Variants in COL4A5 observed in about 807,000 individuals in gnomAD.
The protein encoded by COL4A5 is collagen alpha-5(IV) chain.
In COL4A5, 26 loss-of-function variants were observed where a neutral mutation model predicts 130.2. That is an observed-to-expected ratio of 0.20 (90% CI 0.15 to 0.28). The LOEUF (loss-of-function observed/expected upper bound fraction) is 0.28. Among genes scored for constraint, COL4A5 ranks in the 10% least tolerant of loss-of-function variants. The pLI is 1.00. For synonymous variants in COL4A5, 496 were observed against 439.6 expected, an observed-to-expected ratio of 1.13 and a Z score of -1.60; for missense variants, 1,131 against 1,344.3, an observed-to-expected ratio of 0.84 and a Z score of 2.48.
intron 37 of COL4A5, among the ~76,000 whole-genome samples, chrX:108,662,325 C>T (rs932700847): frequency 9.0e-6 from 1 of 110,728 alleles, no homozygotes; most frequent in African/African-American, 3.3e-5. Context: ...TTTAGTGTTT[C>T]TTATAGTGAA....
intron 44 of COL4A5, 73 bp from the exon 45 acceptor site, chrX:108,680,606 A>C: frequency 3.6e-6 from 3 of 837,893 alleles, no homozygotes; most frequent in African/African-American, 2.0e-5. Context: ...CCACTATGTA[A>C]TTCTTATGCC....
rs1157039079 is a variant in COL4A5 at position 108,606,409 on chromosome X, T to A, written c.2245-333T>A. On this transcript the variant is annotated intron_variant, in intron 28 of 52. Coordinates refer to ENST00000328300, the MANE Select transcript of COL4A5 (RefSeq NM_033380.3). ...ATGTTGTTATCATACTTAGTAAAAT[T>A]AAAAATAATTGTTTAGTATTATCTA... Among the ~76,000 whole-genome samples, 3 of 111,564 alleles carry A rather than the reference T, an allele frequency of 2.7e-5. No individual in the cohort carries two copies. The East Asian group carries it at 8.4e-4, about 31-fold the overall frequency.
chrX:108,684,506 A>G (rs963380362), intron 47 of COL4A5, among the ~76,000 whole-genome samples: 9 of 112,495 alleles, frequency 8.0e-5, no homozygotes, highest in Admixed American at 2.8e-4. Flanking sequence ...AATCTAGAAG[A>G]AATGGATAAA....
chrX:108,670,223 T>C lies in COL4A5; in HGVS notation c.3791-5T>C, dbSNP rs755335739. Reference sequence around the variant, plus strand: ...GGGCCTTGGTGAACTTTGATCCCTATCCAGGTCCTACAGGTTAGCTCCTTA... The same window carrying C: ...GGGCCTTGGTGAACTTTGATCCCTACCCAGGTCCTACAGGTTAGCTCCTTA... On this transcript the variant is annotated splice_region_variant and splice_polypyrimidine_tract_variant and intron_variant, in intron 41 of 52. Transcript: ENST00000328300. 2.5e-6 allele frequency: 3 copies of C among 1,210,983 alleles called. No homozygotes were observed. Among genetic ancestry groups the C allele is most frequent in the South Asian group, 3.5e-5 (2 of 56,902 alleles).
chrX:108,668,143 C>A (rs750143564), intron 40 of COL4A5, among the ~76,000 whole-genome samples, 176 bp from the exon 41 acceptor site: 1 of 111,755 alleles, frequency 8.9e-6, no homozygotes, highest in African/African-American at 3.3e-5. Flanking sequence ...CTTCTGCTAA[C>A]AAATGCATAT....
intron 13 of COL4A5, 81 bp from the exon 14 acceptor site, chrX:108,580,452 C>T (rs903530296): frequency 4.0e-5 from 33 of 822,918 alleles, no homozygotes; most frequent in Admixed American, 1.1e-4. Flanking sequence ...ATTAAAAATG[C>T]TCCTAGCTAG....
chrX:108,508,286 A>G (rs889239084), intron 1 of COL4A5, among the ~76,000 whole-genome samples: 17 of 110,787 alleles, frequency 1.5e-4, no homozygotes, highest in African/African-American at 3.3e-5. Flanking sequence ...TCTCATTCAC[A>G]ATTGCCACAA....
chrX:108,641,577 T>A (rs1021185016), intron 36 of COL4A5, among the ~76,000 whole-genome samples: 1 of 111,790 alleles, frequency 8.9e-6, no homozygotes, highest in African/African-American at 3.3e-5. Context: ...GCCCCAAATA[T>A]AGAAGTGGAA....
intron 28 of COL4A5, among the ~76,000 whole-genome samples, chrX:108,605,788 G>A (rs1002964596): frequency 6.2e-4 from 69 of 112,076 alleles, no homozygotes; most frequent in African/African-American, 2.1e-3. Flanking sequence ...GTGATGATTG[G>A]TTGAAATGGT....
At chrX:108,519,369 T>A (rs1406811230) in intron 1 of COL4A5, among the ~76,000 whole-genome samples, 1 of 111,501 alleles carries the variant, frequency 9.0e-6, no homozygotes, top group Non-Finnish European at 1.9e-5. Context: ...TTACATACAA[T>A]TTAAAAAGTA....
intron 21 of COL4A5, 25 bp from the exon 22 acceptor site, chrX:108,595,484 T>G (rs765847505): frequency 3.4e-6 from 4 of 1,192,445 alleles, no homozygotes; most frequent in South Asian, 1.8e-5. Context: ...TCAGTAAAAT[T>G]TGTTTGTTAT....
At chrX:108,544,855 G>A (rs2065618892) in intron 2 of COL4A5, among the ~76,000 whole-genome samples, 1 of 111,614 alleles carries the variant, frequency 9.0e-6, no homozygotes, top group Non-Finnish European at 1.9e-5. Flanking sequence ...TATGTGTTGA[G>A]GAGTTTATCC....
rs1213499371 is a variant in COL4A5, at chrX:108,665,562, C to A, written c.3429C>A (p.Gly1143=). Residue 1143 remains glycine (G), a synonymous_variant, in exon 38 of 53, where the codon GGC becomes GGA. Transcript: ENST00000328300. ...KGISGPPGNP[G]LPGEPGPVGG... ...TTAGTGGCCCTCCTGGGAACCCCGG[C>A]CTTCCAGGAGAACCTGGTCCTGTAG... The A allele has an allele frequency of 8.3e-7, 1 of 1,203,902 alleles. No individual in the cohort carries two copies. Among genetic ancestry groups the A allele is most frequent in the Non-Finnish European group, 1.1e-6 (1 of 890,144 alleles).
intron 2 of COL4A5, among the ~76,000 whole-genome samples, chrX:108,547,230 C>T (rs1337411470): frequency 9.0e-6 from 1 of 111,537 alleles, no homozygotes; most frequent in Non-Finnish European, 1.9e-5. Flanking sequence ...TTTTCCCCAT[C>T]TTTGTGGTTT....
At chrX:108,592,835 C>G (rs770675607) in intron 21 of COL4A5, among the ~76,000 whole-genome samples, 1 of 109,524 alleles carries the variant, frequency 9.1e-6, no homozygotes, top group East Asian at 2.9e-4. Flanking sequence ...TTTCAGGACC[C>G]TGGAAGACTC....
At chrX:108,641,793 G>A (rs763941549) in intron 36 of COL4A5, among the ~76,000 whole-genome samples, 2 of 111,813 alleles carry the variant, frequency 1.8e-5, no homozygotes, top group African/African-American at 6.5e-5. Context: ...GGGATCCATC[G>A]GGAGGGCAGC....
At chrX:108,632,640 A>T (rs1332838249) in intron 36 of COL4A5, among the ~76,000 whole-genome samples, 1 of 111,526 alleles carries the variant, frequency 9.0e-6, no homozygotes, top group Non-Finnish European at 1.9e-5. Context: ...ACCAAGATCA[A>T]GTTGGCTTCA....
intron 29 of COL4A5, among the ~76,000 whole-genome samples, chrX:108,613,388 T>C (rs936539830): frequency 8.9e-6 from 1 of 112,067 alleles, no homozygotes; most frequent in African/African-American, 3.2e-5. Flanking sequence ...TTGTTTTAGA[T>C]GAAGAAGCAT....
chrX:108,531,147 G>A (rs1305247219), intron 1 of COL4A5, among the ~76,000 whole-genome samples: 4 of 95,626 alleles, frequency 4.2e-5, no homozygotes, highest in Non-Finnish European at 8.3e-5. Flanking sequence ...CTCATAGGTG[G>A]GAATTGAACA....
Sources: gnomAD v4.1 joint callset for allele counts (sites outside exome capture counted in the v4.1 genomes callset) on GRCh38, gnomAD v4.1.1 for gene constraint, MANE v1.5 for transcripts, NCBI Gene and HGNC (gene_info 2026-07-23, HGNC 2026-07-21) for gene names.